The following PRDM11 variants were observed in gnomAD, a reference collection of about 807,000 sequenced individuals.
PRDM11 encodes PR domain-containing protein 11.
In PRDM11, 20 loss-of-function variants were observed where a neutral mutation model predicts 97.8. That is an observed-to-expected ratio of 0.20 (90% CI 0.14 to 0.30). The LOEUF (loss-of-function observed/expected upper bound fraction) is 0.30, where lower values mean the gene tolerates loss of function less well. Among genes scored for constraint, PRDM11 ranks in the 10% least tolerant of loss-of-function variants. The probability of loss-of-function intolerance (pLI) is 1.00; values close to 1 mark genes in which losing one functional copy is unlikely to be tolerated. For synonymous variants in PRDM11, 599 were observed against 637.7 expected (o/e 0.94, Z 0.91); for missense variants, 1,139 against 1,555.2 (o/e 0.73, Z 4.50).
At chr11:45,185,485 T>C (rs2135745442) in intron 4 of PRDM11, among the ~76,000 whole-genome samples, 1 of 151,496 alleles carries the variant, frequency 6.6e-6, no homozygotes, top group South Asian at 2.1e-4. Context: ...AAGATAAGAG[T>C]GAGGTGGGAG....
At chr11:45,181,298 C>T (rs989355119) in intron 1 of PRDM11, among the ~76,000 whole-genome samples, 2 of 152,184 alleles carry the variant, frequency 1.3e-5, no homozygotes, top group Non-Finnish European at 2.9e-5. Flanking sequence ...GCTGCGCTCC[C>T]GGCAGTCCCA....
At position 45,194,550 on chromosome 11, in the gene PRDM11, T is replaced by C. The variant is rs547791078; in HGVS notation, c.487-10161T>C. Among the ~76,000 whole-genome samples, 5 of 151,646 alleles carry C rather than the reference T, an allele frequency of 3.3e-5. No homozygotes were observed. The East Asian group carries it at 9.7e-4, about 29-fold the overall frequency. On this transcript the variant is annotated intron_variant, in intron 4 of 7. Coordinates refer to ENST00000683152, the MANE Select transcript of PRDM11 (RefSeq NM_001384648.1). ...GCTGTTCACTGAGTACTAAATGATTTGTATATCTCACAACAGTACTGTGGG... is the reference window on the plus strand; with the variant it reads ...GCTGTTCACTGAGTACTAAATGATTCGTATATCTCACAACAGTACTGTGGG...
chr11:45,104,394 C>G (rs999885350), intron 1 of PRDM11, among the ~76,000 whole-genome samples: 2 of 152,184 alleles, frequency 1.3e-5, no homozygotes, highest in Non-Finnish European at 2.9e-5. Context: ...GCTTCTCATC[C>G]ATGGGGGTCG....
intron 1 of PRDM11, among the ~76,000 whole-genome samples, chr11:45,170,261 T>C (rs1429996628): frequency 1.3e-5 from 2 of 151,872 alleles, no homozygotes; most frequent in Non-Finnish European, 2.9e-5. Flanking sequence ...GAGAATCACT[T>C]GAATCCAGGA....
chr11:45,145,033 A>G (rs1851476472), upstream of PRDM11, among the ~76,000 whole-genome samples: 1 of 152,048 alleles, frequency 6.6e-6, no homozygotes, highest in African/African-American at 2.4e-5. Context: ...CACCAAGCAG[A>G]GAAATACTCA....
At chr11:45,179,900 C>T (rs1387407076) in intron 1 of PRDM11, among the ~76,000 whole-genome samples, 1 of 152,222 alleles carries the variant, frequency 6.6e-6, no homozygotes, top group Non-Finnish European at 1.5e-5. Flanking sequence ...GGGTACTGCC[C>T]ATCCCAGTGA....
chr11:45,097,842 T>G (rs529617629), intron 1 of PRDM11, among the ~76,000 whole-genome samples: 1 of 152,294 alleles, frequency 6.6e-6, no homozygotes, highest in South Asian at 2.1e-4. Context: ...GTGCCTGCAG[T>G]GGCAGGAGGA....
chr11:45,145,145 C>T (rs1284317953), upstream of PRDM11, among the ~76,000 whole-genome samples: 1 of 152,192 alleles, frequency 6.6e-6, no homozygotes, highest in African/African-American at 2.4e-5. Flanking sequence ...TAAATACACT[C>T]TCATGGCTCC....
intron 1 of PRDM11, among the ~76,000 whole-genome samples, chr11:45,158,107 T>C (rs767157921): frequency 6.6e-6 from 1 of 152,182 alleles, no homozygotes; most frequent in Non-Finnish European, 1.5e-5. Flanking sequence ...GTTAAAGTCA[T>C]TCCCAACCCA....
intron 1 of PRDM11, among the ~76,000 whole-genome samples, chr11:45,134,642 T>C (rs1309625458): frequency 7.9e-6 from 1 of 126,296 alleles, no homozygotes; most frequent in Non-Finnish European, 1.5e-5. Flanking sequence ...GAGGCTGCAG[T>C]GAGCTGAGAT....
chr11:45,182,851 A>G lies in PRDM11; in HGVS notation c.224-10A>G. The G allele has an allele frequency of 6.4e-7, 1 of 1,562,370 alleles. No homozygotes were observed. The highest frequency in any genetic ancestry group is 8.7e-7 in the Non-Finnish European group (1 of 1,153,040). ...AACTGAGGCCCTCCCTTCTCTTTCC[A>G]TCCCTCCAGTCTGTGAGTCCTGCCA... On this transcript the variant is annotated splice_polypyrimidine_tract_variant and intron_variant, in intron 3 of 7. Transcript: ENST00000683152.
At chr11:45,205,020 C>A (rs1265423521) in intron 5 of PRDM11, among the ~76,000 whole-genome samples, 1 of 152,144 alleles carries the variant, frequency 6.6e-6, no homozygotes, top group Admixed American at 6.5e-5. Flanking sequence ...TGCTCACTTG[C>A]CAGTGTGTCT....
chr11:45,177,830 C>A (rs180963826), intron 1 of PRDM11, among the ~76,000 whole-genome samples: 21 of 152,306 alleles, frequency 1.4e-4, no homozygotes, highest in African/African-American at 5.1e-4. Flanking sequence ...AACCCTTTTA[C>A]AACAGATTCC....
At chr11:45,179,898 C>T (rs142399962) in intron 1 of PRDM11, among the ~76,000 whole-genome samples, 93 of 152,330 alleles carry the variant, frequency 6.1e-4, no homozygotes, top group Non-Finnish European at 1.1e-3. Flanking sequence ...GGGGGTACTG[C>T]CCATCCCAGT....
intron 4 of PRDM11, among the ~76,000 whole-genome samples, chr11:45,194,125 G>A (rs1442131429): frequency 6.6e-6 from 1 of 152,228 alleles, no homozygotes; most frequent in African/African-American, 2.4e-5. Flanking sequence ...AAGGTGGTAC[G>A]GATGGCTGAA....
chr11:45,100,356 C>A (rs1183002542), intron 1 of PRDM11, among the ~76,000 whole-genome samples: 1 of 152,192 alleles, frequency 6.6e-6, no homozygotes, highest in Non-Finnish European at 1.5e-5. Context: ...AAAAAATAGG[C>A]AGAGGGGCCA....
chr11:45,226,233 G>T lies in PRDM11; in HGVS notation c.1608G>T (p.Thr536=). 1 of 1,533,962 alleles carries T rather than the reference G, an allele frequency of 6.5e-7. No homozygotes were observed. Among genetic ancestry groups the T allele is most frequent in the Non-Finnish European group, 8.7e-7 (1 of 1,146,736 alleles). The change falls in exon 8 of 8, where the codon ACG becomes ACT. Residue 536 remains threonine, a synonymous_variant. Transcript: ENST00000683152. ...GGTGCCACGTCTGCCGCCAGTACACGGTGCAGTCCTCACGCACCTCGGCCT... is the reference window on the plus strand; with the variant it reads ...GGTGCCACGTCTGCCGCCAGTACACTGTGCAGTCCTCACGCACCTCGGCCT... ...EMWCHVCRQY[T]VQSSRTSAFI...
intron 1 of PRDM11, among the ~76,000 whole-genome samples, chr11:45,152,579 A>G (rs1309587856): frequency 6.6e-6 from 1 of 152,218 alleles, no homozygotes; most frequent in Non-Finnish European, 1.5e-5. Context: ...TATATGCCAT[A>G]TGGTAACTAG....
chr11:45,188,676 A>C (rs1386210964), intron 4 of PRDM11, among the ~76,000 whole-genome samples: 1 of 152,038 alleles, frequency 6.6e-6, no homozygotes, highest in Non-Finnish European at 1.5e-5. Flanking sequence ...GGAGTTGGAC[A>C]CTCACCTCTG....
Sources: gnomAD v4.1 joint callset for allele counts (sites outside exome capture counted in the v4.1 genomes callset) on GRCh38, gnomAD v4.1.1 for gene constraint, MANE v1.5 for transcripts, NCBI Gene and HGNC (gene_info 2026-07-23, HGNC 2026-07-21) for gene names.